Variants in SP140L observed in about 807,000 individuals in gnomAD.
SP140L encodes the protein nuclear body protein SP140-like protein.
In SP140L, 64 loss-of-function variants were observed where a neutral mutation model predicts 84.3. The observed-to-expected ratio is 0.76, with a 90% CI of 0.62 to 0.94. The LOEUF is 0.94. SP140L is among the 40% of genes least tolerant of loss of function. The pLI is 0.00. For missense variants in SP140L, 628 were observed against 692.5 expected (o/e 0.91, Z 1.05); for synonymous variants, 242 against 236.9 (o/e 1.02, Z -0.20).
At chr2:230,392,347 T>C (rs1407703589) in intron 12 of SP140L, 118 bp downstream of exon 12, 1 of 1,475,994 alleles carries the variant, frequency 6.8e-7, no homozygotes, top group East Asian at 2.3e-5. Flanking sequence ...TGCCAGTGAG[T>C]TTATCCTCTC....
At chr2:230,402,089 G>T (rs1374907325) in intron 18 of SP140L, among the ~76,000 whole-genome samples, 1 of 152,224 alleles carries the variant, frequency 6.6e-6, no homozygotes, top group Admixed American at 6.5e-5. Flanking sequence ...CCTGCCTGCT[G>T]CAGCATATAA....
intron 4 of SP140L, among the ~76,000 whole-genome samples, chr2:230,360,358 A>G (rs2060677763): frequency 6.6e-6 from 1 of 152,264 alleles, no homozygotes; most frequent in Non-Finnish European, 1.5e-5. Flanking sequence ...TTACTAGGCA[A>G]TAAAGAAATA....
rs2059763333 is a variant in SP140L at position 230,332,821 on chromosome 2, AC to A, written c.107+3993del. 6.6e-5 allele frequency among the ~76,000 whole-genome samples: 10 copies of A among 152,276 alleles called. No homozygotes were observed. In the South Asian group the frequency reaches 2.1e-3, roughly 32 times the overall value. On this transcript the variant is annotated intron_variant, in intron 2 of 18. Transcript: ENST00000415673. ...TTCTTGGGGGAGCCCTTCTGGAGCT[AC>A]CCATTCTGCTGATCCAATTAGTTCT...
chr2:230,369,821 G>A (rs1428171106), intron 5 of SP140L, among the ~76,000 whole-genome samples: 3 of 152,230 alleles, frequency 2.0e-5, no homozygotes, highest in Non-Finnish European at 1.5e-5. Flanking sequence ...CCAGACTGGA[G>A]TGCAGTGGCA....
At chr2:230,334,932 C>G (rs1279382154) in intron 2 of SP140L, among the ~76,000 whole-genome samples, 1 of 151,822 alleles carries the variant, frequency 6.6e-6, no homozygotes, top group African/African-American at 2.4e-5. Flanking sequence ...TTTATATTGT[C>G]CTAAAGTATA....
chr2:230,393,321 T>G, intron 12 of SP140L, 93 bp from the exon 13 acceptor site: 1 of 1,394,998 alleles, frequency 7.2e-7, no homozygotes, highest in Non-Finnish European at 9.7e-7. Flanking sequence ...ATTGGAACAC[T>G]CAGGTAGAAG....
chr2:230,368,199 A>G (rs2060946967), intron 5 of SP140L, among the ~76,000 whole-genome samples: 2 of 152,288 alleles, frequency 1.3e-5, no homozygotes, highest in Admixed American at 1.3e-4. Flanking sequence ...TTTGCCTAGG[A>G]AAGTCTTTAC....
chr2:230,341,877 A>G (rs1186015895), intron 2 of SP140L, among the ~76,000 whole-genome samples: 2 of 151,860 alleles, frequency 1.3e-5, no homozygotes, highest in African/African-American at 4.8e-5. Flanking sequence ...GTGCTGGGAG[A>G]ACCACTGCTC....
At chr2:230,392,298 A>T in intron 12 of SP140L, 69 bp downstream of exon 12, 1 of 1,599,416 alleles carries the variant, frequency 6.3e-7, no homozygotes, top group Admixed American at 1.7e-5. Flanking sequence ...GAGACTGTTT[A>T]TTCACCAAAT....
intron 2 of SP140L, among the ~76,000 whole-genome samples, chr2:230,342,720 C>T (rs1337793700): frequency 6.6e-6 from 1 of 152,116 alleles, no homozygotes; most frequent in African/African-American, 2.4e-5. Flanking sequence ...CTTTGAATTA[C>T]TGTGTTATTA....
intron 2 of SP140L, among the ~76,000 whole-genome samples, chr2:230,349,594 G>T (rs2060305109): frequency 1.3e-5 from 2 of 152,104 alleles, no homozygotes; most frequent in Non-Finnish European, 2.9e-5. Flanking sequence ...ATTCCTAAAT[G>T]TTTTATTATT....
chr2:230,400,960 C>T lies in SP140L; in HGVS notation c.1319C>T (p.Pro440Leu), dbSNP rs748631340. 2.6e-5 allele frequency: 40 copies of T among 1,519,274 alleles called. No individual in the cohort carries two copies. The highest frequency in any genetic ancestry group is 1.1e-4 in the South Asian group (9 of 83,138). 94.1% of individuals were successfully genotyped at this position (1,519,274 alleles called of 1,614,324 possible). The change falls in exon 16 of 19, where the codon CCG (proline) becomes CTG (leucine). Residue 440 changes from proline (P) to leucine (L), a missense_variant. Pro to Leu is a moderately conservative substitution (Grantham distance 98). Coordinates refer to ENST00000415673, the MANE Select transcript of SP140L (RefSeq NM_138402.6). Reference protein sequence around the residue: ...HIPPVESEKTPWNCIFCRMKE... With the variant: ...HIPPVESEKTLWNCIFCRMKE... Reference sequence around the variant, plus strand: ...ACCCATGTCCAATCTCTCAGGACCCCGTGGAATTGCATCTTCTGCAGGATG... The same window carrying T: ...ACCCATGTCCAATCTCTCAGGACCCTGTGGAATTGCATCTTCTGCAGGATG...
chr2:230,357,581 GC>G (rs1453921135), intron 2 of SP140L, among the ~76,000 whole-genome samples: 13 of 152,120 alleles, frequency 8.5e-5, no homozygotes. Context: ...TTTAGACTGG[GC>G]TTTTTCAGTG....
chr2:230,398,237 G>T (rs1425020856), intron 14 of SP140L, among the ~76,000 whole-genome samples: 1 of 152,190 alleles, frequency 6.6e-6, no homozygotes, highest in African/African-American at 2.4e-5. Flanking sequence ...AAGAATACCA[G>T]TGCCTGTGCC....
At chr2:230,364,650 G>A (rs1309684161) in intron 5 of SP140L, among the ~76,000 whole-genome samples, 3 of 151,906 alleles carry the variant, frequency 2.0e-5, no homozygotes, top group East Asian at 1.9e-4. Context: ...TTGCCTAATT[G>A]TTCTGTCTAG....
intron 2 of SP140L, among the ~76,000 whole-genome samples, chr2:230,344,914 T>C (rs891914493): frequency 2.0e-5 from 3 of 152,236 alleles, no homozygotes; most frequent in Non-Finnish European, 4.4e-5. Flanking sequence ...TTCAGTCTTC[T>C]TGAATTTATT....
chr2:230,363,164 TC>T (rs1184860643), intron 5 of SP140L, among the ~76,000 whole-genome samples: 2 of 152,360 alleles, frequency 1.3e-5, no homozygotes, highest in Admixed American at 6.5e-5. Flanking sequence ...TGCTGATTTA[TC>T]CTTTGGATAT....
chr2:230,328,966 A>G, intron 2 of SP140L, 135 bp downstream of exon 2: 1 of 1,348,490 alleles, frequency 7.4e-7, no homozygotes, highest in East Asian at 2.6e-5. Context: ...AATGTGATTC[A>G]GTTGAGGTGT....
intron 9 of SP140L, 47 bp from the exon 10 acceptor site, chr2:230,388,510 AAC>A: frequency 6.6e-7 from 1 of 1,504,576 alleles, no homozygotes; most frequent in African/African-American, 1.4e-5. Context: ...CAATATATGT[AAC>A]ACAGCTGCTC....
Sources: allele counts gnomAD v4.1 joint callset (sites outside exome capture counted in the v4.1 genomes callset), GRCh38; gene constraint gnomAD v4.1.1; transcripts MANE v1.5; gene names NCBI Gene and HGNC (gene_info 2026-07-23, HGNC 2026-07-21).